The following PDE7B variants were observed in gnomAD, a reference collection of about 807,000 sequenced individuals.
PDE7B encodes the protein phosphodiesterase 7B, also known as 3',5'-cyclic-AMP phosphodiesterase 7B.
PDE7B carries 29 observed loss-of-function variants against 56.2 expected under a neutral mutation model. The observed-to-expected ratio is 0.52, with a 90% CI of 0.38 to 0.70. The LOEUF is 0.70. Among genes scored for constraint, PDE7B ranks in the 30% least tolerant of loss-of-function variants. PDE7B has a pLI of 0.00. For synonymous variants in PDE7B, 197 were observed against 196.9 expected, an observed-to-expected ratio of 1.00 and a Z score of 0.00; for missense variants, 490 against 565.0, an observed-to-expected ratio of 0.87 and a Z score of 1.35.
intron 2 of PDE7B, among the ~76,000 whole-genome samples, chr6:135,971,873 T>C (rs1775099568): frequency 6.6e-6 from 1 of 152,184 alleles, no homozygotes. Context: ...GCAGCTGTTT[T>C]CTCATTGTTG....
intron 2 of PDE7B, among the ~76,000 whole-genome samples, chr6:136,079,726 CAAAAA>C (rs35447604): frequency 2.1e-5 from 2 of 94,426 alleles, no homozygotes; most frequent in Non-Finnish European, 4.6e-5. Flanking sequence ...ATTAGGAAGA[CAAAAA>C]AAAAAAAAAA....
At chr6:136,085,083 A>G (rs1490554386) in intron 2 of PDE7B, among the ~76,000 whole-genome samples, 2 of 152,168 alleles carry the variant, frequency 1.3e-5, no homozygotes, top group African/African-American at 2.4e-5. Flanking sequence ...TCTGGGATGA[A>G]CGTTCCAGGG....
chr6:136,047,827 A>C (rs1395054945), intron 2 of PDE7B, among the ~76,000 whole-genome samples: 1 of 152,170 alleles, frequency 6.6e-6, no homozygotes, highest in Non-Finnish European at 1.5e-5. Flanking sequence ...TCTGTCTGGG[A>C]CAGAATAAAG....
At chr6:135,852,218 A>G (rs1205399696) in intron 1 of PDE7B, among the ~76,000 whole-genome samples, 199 bp downstream of exon 1, 1 of 151,938 alleles carries the variant, frequency 6.6e-6, no homozygotes, top group African/African-American at 2.4e-5. Flanking sequence ...CCCTGAATTA[A>G]CCGTTTAAGG....
chr6:136,116,692 G>A (rs1777836497), intron 3 of PDE7B, among the ~76,000 whole-genome samples: 1 of 152,192 alleles, frequency 6.6e-6, no homozygotes, highest in Non-Finnish European at 1.5e-5. Context: ...CAGGAGAATC[G>A]AGTGGAAATG....
At chr6:136,180,658 A>T (rs563262901) in intron 10 of PDE7B, among the ~76,000 whole-genome samples, 2 of 152,298 alleles carry the variant, frequency 1.3e-5, no homozygotes, top group East Asian at 1.9e-4. Flanking sequence ...TTACTGACAA[A>T]AAGCTGGCAT....
At chr6:135,860,076 T>G (rs1348280514) in intron 1 of PDE7B, among the ~76,000 whole-genome samples, 1 of 152,066 alleles carries the variant, frequency 6.6e-6, no homozygotes, top group Non-Finnish European at 1.5e-5. Flanking sequence ...TGTAAACCTT[T>G]AGGTTCCAAA....
chr6:135,919,442 A>G (rs796931822), intron 1 of PDE7B, among the ~76,000 whole-genome samples: 14 of 152,278 alleles, frequency 9.2e-5, no homozygotes, highest in African/African-American at 3.1e-4. Flanking sequence ...ATGTTATGAA[A>G]AATTTCTACA....
At chr6:135,969,468 C>T (rs1263194100) in intron 2 of PDE7B, among the ~76,000 whole-genome samples, 3 of 152,016 alleles carry the variant, frequency 2.0e-5, no homozygotes, top group Non-Finnish European at 4.4e-5. Context: ...TCTTCCTTGG[C>T]TCATTAGAGA....
chr6:135,986,377 G>T (rs1168289387), intron 2 of PDE7B, among the ~76,000 whole-genome samples: 1 of 152,254 alleles, frequency 6.6e-6, no homozygotes, highest in African/African-American at 2.4e-5. Context: ...TACTAATATT[G>T]TTTATTTAAA....
At chr6:135,864,721 C>A (rs1481504171) in intron 1 of PDE7B, among the ~76,000 whole-genome samples, 1 of 152,038 alleles carries the variant, frequency 6.6e-6, no homozygotes, top group East Asian at 1.9e-4. Flanking sequence ...TATTGTTTAA[C>A]AATTTTGGAA....
chr6:136,166,710 C>T (rs1583919741), intron 8 of PDE7B, among the ~76,000 whole-genome samples: 1 of 152,246 alleles, frequency 6.6e-6, no homozygotes, highest in East Asian at 1.9e-4. Context: ...CAGGCCTCAC[C>T]TCCACTATTG....
chr6:136,151,827 T>A (rs1434583238), intron 6 of PDE7B, among the ~76,000 whole-genome samples: 1 of 86,646 alleles, frequency 1.2e-5, no homozygotes, highest in Non-Finnish European at 2.3e-5. Flanking sequence ...TAATCCCAGC[T>A]ACTTGGGAGG....
intron 8 of PDE7B, among the ~76,000 whole-genome samples, chr6:136,157,680 G>A (rs961536057): frequency 2.6e-5 from 4 of 152,292 alleles, no homozygotes; most frequent in African/African-American, 9.6e-5. Context: ...GGGAAGATGG[G>A]GGAAGGAGAA....
At chr6:135,958,015 T>C (rs1774828411) in intron 2 of PDE7B, among the ~76,000 whole-genome samples, 1 of 152,148 alleles carries the variant, frequency 6.6e-6, no homozygotes, top group African/African-American at 2.4e-5. Context: ...GCGGATACCC[T>C]GAGCTCAGGA....
intron 2 of PDE7B, among the ~76,000 whole-genome samples, chr6:135,966,401 GC>G (rs1774998667): frequency 6.6e-6 from 1 of 152,158 alleles, no homozygotes; most frequent in African/African-American, 2.4e-5. Flanking sequence ...GGAAAGAGAA[GC>G]CTCTCCTTTT....
chr6:135,928,532 CA>C (rs1774240129), intron 1 of PDE7B, among the ~76,000 whole-genome samples: 1 of 84,898 alleles, frequency 1.2e-5, no homozygotes, highest in South Asian at 3.6e-4. Flanking sequence ...TATATATACA[CA>C]CACACACACA....
At chr6:135,913,720 G>C (rs1776249966) in intron 1 of PDE7B, among the ~76,000 whole-genome samples, 2 of 152,026 alleles carry the variant, frequency 1.3e-5, no homozygotes, top group South Asian at 4.1e-4. Context: ...TAAAACCCTA[G>C]TTTTTTGTTA....
At chr6:136,017,350 T>A (rs1243577393) in intron 2 of PDE7B, among the ~76,000 whole-genome samples, 2 of 152,118 alleles carry the variant, frequency 1.3e-5, no homozygotes, top group Non-Finnish European at 2.9e-5. Context: ...AAACTTTTTT[T>A]TATTATTATA....
Sources: allele counts gnomAD v4.1 joint callset (sites outside exome capture counted in the v4.1 genomes callset), GRCh38; gene constraint gnomAD v4.1.1; transcripts MANE v1.5; gene names NCBI Gene and HGNC (gene_info 2026-07-23, HGNC 2026-07-21).